NUP58: variants seen among roughly 807,000 people sequenced by gnomAD.
NUP58 encodes nucleoporin 58.
Under a neutral mutation model 70.1 loss-of-function variants are expected in NUP58, and 17 were observed. The ratio of observed to expected loss-of-function variants is 0.24; its 90% CI spans 0.17 to 0.36. The LOEUF is 0.36. Ranked by LOEUF, NUP58 falls within the 10% of genes least tolerant of loss-of-function variation. The pLI is 1.00. For synonymous variants in NUP58, 275 were observed against 257.6 expected (o/e 1.07, Z -0.65); for missense variants, 644 against 701.5 (o/e 0.92, Z 0.93).
At chr13:25,327,638 CTACTA>C in intron 12 of NUP58, 126 bp downstream of exon 12, 1 of 585,346 alleles carries the variant, frequency 1.7e-6, no homozygotes, top group Non-Finnish European at 3.0e-6. Flanking sequence ...AAGATGAAAA[CTACTA>C]TAATCCATAA....
chr13:25,332,606 C>T lies in NUP58; in HGVS notation c.1435+1048C>T, dbSNP rs1041547173. ...CTAGGGAAGCATTCTCTGGTTTTCA[C>T]TATTGGCAGTTTAAAAAATTGTTCT... is the stretch of plus-strand genomic sequence containing the variant. On this transcript the variant is annotated intron_variant, in intron 13 of 15. Coordinates refer to ENST00000381736, the MANE Select transcript of NUP58 (RefSeq NM_014089.4). 2.9e-5 allele frequency: 29 copies of T among 985,264 alleles called. 1 individual carries two copies. The highest frequency in any genetic ancestry group is 1.2e-6 in the Non-Finnish European group (1 of 829,924). The allele number at this position is 985,264 out of a possible 1,614,324, so 61.0% of individuals were successfully genotyped here. A position where few individuals can be genotyped will look rare whatever the true frequency, so the allele number is the denominator to read the frequency against.
intron 3 of NUP58, among the ~76,000 whole-genome samples, chr13:25,347,965 C>T (rs1429741191): frequency 1.3e-5 from 2 of 152,132 alleles, no homozygotes. Flanking sequence ...CTTTTTAAAT[C>T]CTGATAATAA....
At chr13:25,324,867 TG>T in intron 9 of NUP58, 121 bp from the exon 10 acceptor site, 3 of 693,920 alleles carry the variant, frequency 4.3e-6, no homozygotes, top group Non-Finnish European at 7.5e-6. Context: ...TCTTATAGCA[TG>T]AACCTCCAAG....
intron 6 of NUP58, among the ~76,000 whole-genome samples, chr13:25,315,758 A>G (rs1284774041): frequency 6.6e-6 from 1 of 152,154 alleles, no homozygotes; most frequent in African/African-American, 2.4e-5. Context: ...TTAGTCAACC[A>G]TTGTTCTCTT....
intron 13 of NUP58, chr13:25,332,754 G>T: frequency 1.0e-6 from 1 of 985,440 alleles, no homozygotes; most frequent in Admixed American, 6.1e-5. Flanking sequence ...GCACTGTCTG[G>T]TAGCTCTCTA....
At chr13:25,328,594 G>A (rs528761608) in intron 12 of NUP58, among the ~76,000 whole-genome samples, 1 of 151,792 alleles carries the variant, frequency 6.6e-6, no homozygotes, top group African/African-American at 2.4e-5. Flanking sequence ...ACAGGGTTTT[G>A]CCATGTTGCA....
rs148241265 is a variant in NUP58, at chr13:25,340,876, C to A, written c.*742C>A. The A allele has an allele frequency of 6.6e-6, 1 of 152,118 alleles. No homozygotes were observed. Among genetic ancestry groups the A allele is most frequent in the African/African-American group, 2.4e-5 (1 of 41,376 alleles). 9.4% of individuals were successfully genotyped at this position (152,118 alleles called of 1,614,324 possible). On this transcript the variant is annotated 3_prime_UTR_variant, in exon 16 of 16. Coordinates refer to ENST00000381736, the MANE Select transcript of NUP58 (RefSeq NM_014089.4). ...GGGGTTGCAGTGAGCCGAGATCACA[C>A]CACTGCACTCCAGCCTGGGCAACAA...
At chr13:25,336,091 TG>T (rs1388686948) in intron 13 of NUP58, 3 of 1,248,310 alleles carry the variant, frequency 2.4e-6, no homozygotes, top group Admixed American at 6.9e-5. Flanking sequence ...CTAATCGTTC[TG>T]CTTCTGAGTA....
chr13:25,304,315 A>G (rs995930216), intron 1 of NUP58, among the ~76,000 whole-genome samples: 6 of 151,852 alleles, frequency 4.0e-5, no homozygotes, highest in African/African-American at 1.5e-4. Flanking sequence ...GGTCAAGTTT[A>G]GGGTAGCTTT....
downstream of NUP58, among the ~76,000 whole-genome samples, chr13:25,344,181 T>G (rs540094486): frequency 3.3e-5 from 5 of 152,170 alleles, no homozygotes; most frequent in African/African-American, 1.2e-4. Context: ...TTATACCAAA[T>G]TAGGGTTTTT....
chr13:25,346,038 C>T (rs2032045454), downstream of NUP58, among the ~76,000 whole-genome samples: 1 of 152,322 alleles, frequency 6.6e-6, no homozygotes, highest in East Asian at 1.9e-4. Flanking sequence ...GTCATCACCA[C>T]CCCTCTTTTA....
At chr13:25,338,795 A>G (rs1800594121) in intron 15 of NUP58, 64 bp downstream of exon 15, 2 of 1,407,238 alleles carry the variant, frequency 1.4e-6, no homozygotes, top group Non-Finnish European at 2.0e-6. Context: ...ATTTAAAAGT[A>G]TGTGTTGTTA....
At chr13:25,331,720 TAAA>T (rs1029338707) in intron 13 of NUP58, 162 bp downstream of exon 13, 6 of 1,433,038 alleles carry the variant, frequency 4.2e-6, no homozygotes, top group Admixed American at 2.9e-5. Flanking sequence ...ACATACCTGA[TAAA>T]AAAGGCAGGG....
chr13:25,342,650 T>C (rs1222754128), downstream of NUP58, among the ~76,000 whole-genome samples: 2 of 152,120 alleles, frequency 1.3e-5, no homozygotes, highest in African/African-American at 4.8e-5. Context: ...AAAGGAAAAA[T>C]CCCTTTGAAC....
chr13:25,326,893 G>T, intron 10 of NUP58, 23 bp from the exon 11 acceptor site: 1 of 1,354,340 alleles, frequency 7.4e-7, no homozygotes, highest in South Asian at 1.3e-5. Flanking sequence ...TATTTGATCT[G>T]ACTTTTTAAA....
chr13:25,344,105 A>G (rs996271443), downstream of NUP58, among the ~76,000 whole-genome samples: 2 of 152,024 alleles, frequency 1.3e-5, no homozygotes, highest in African/African-American at 2.4e-5. Context: ...TGTGAGGTCA[A>G]CCTTTTTAAT....
downstream of NUP58, among the ~76,000 whole-genome samples, chr13:25,343,501 C>T (rs569919657): frequency 5.4e-5 from 8 of 148,420 alleles, no homozygotes; most frequent in South Asian, 1.3e-3. Flanking sequence ...TCACTCTTGT[C>T]GCCCAGGCTG....
intron 13 of NUP58, chr13:25,332,018 A>G: frequency 9.9e-7 from 1 of 1,014,616 alleles, no homozygotes; most frequent in South Asian, 4.0e-5. Flanking sequence ...AGGATGAAGT[A>G]TGCTTTTATT....
chr13:25,301,637 G>A lies in NUP58; in HGVS notation c.-137G>A, dbSNP rs1236412781. On this transcript the variant is annotated 5_prime_UTR_variant, in exon 1 of 16. Transcript: ENST00000381736. ...GCTCCACCCCCTCAGCCTTGCCTTC[G>A]CCGCCGTTGGGGCTGGAAGTTCCCG... 6.6e-6 allele frequency: 3 copies of A among 457,096 alleles called. No homozygotes were observed. The Admixed American group carries it at 1.3e-4, about 20-fold the overall frequency. 28.3% of individuals were successfully genotyped at this position (457,096 alleles called of 1,614,324 possible). A position where few individuals can be genotyped will look rare whatever the true frequency, so the allele number is the denominator to read the frequency against.
Sources: allele counts gnomAD v4.1 joint callset (sites outside exome capture counted in the v4.1 genomes callset), GRCh38; gene constraint gnomAD v4.1.1; transcripts MANE v1.5; gene names NCBI Gene and HGNC (gene_info 2026-07-23, HGNC 2026-07-21).